Variants in HMCN2 observed in about 807,000 individuals in gnomAD.
HMCN2 encodes hemicentin 2, also known as hemicentin-2.
A neutral mutation model predicts 377.5 loss-of-function variants in HMCN2; 325 were observed. That is an observed-to-expected ratio of 0.86 (90% CI 0.79 to 0.94). The LOEUF is 0.94. Among genes scored for constraint, HMCN2 ranks in the 40% least tolerant of loss-of-function variants. HMCN2 has a pLI of 0.00. For missense variants in HMCN2, 4,543 were observed against 4,725.3 expected (o/e 0.96, Z 1.13); for synonymous variants, 2,007 against 2,046.8 (o/e 0.98, Z 0.53).
At position 130,354,681 on chromosome 9, in the gene HMCN2, C is replaced by A. The variant is rs1296983310; in HGVS notation, c.4865-82C>A. The A allele has an allele frequency of 1.0e-5, 12 of 1,156,976 alleles. No homozygotes were observed. In the East Asian group the frequency reaches 7.1e-4, roughly 68 times the overall value. The allele number at this position is 1,156,976 out of a possible 1,614,324, so 71.7% of individuals were successfully genotyped here. On this transcript the variant is annotated intron_variant, in intron 31 of 97. Transcript: ENST00000683500. ...CACATGGAGTGGGGTCGGTGAGGGGCTTCAGCGGGCCTGTTGGGCTGAGAT... is the reference window on the plus strand; with the variant it reads ...CACATGGAGTGGGGTCGGTGAGGGGATTCAGCGGGCCTGTTGGGCTGAGAT...
rs1313635623 is a variant in HMCN2 at position 130,354,765 on chromosome 9, C to T, written c.4867C>T (p.Pro1623Ser). ...EKATRLDVYV[P>S]PTIEGAGGRP... is the part of the protein sequence containing the mutation. ...GCCGCCCCCTGCCTCTTTTCCAGTC[C>T]CACCTACCATCGAGGGCGCCGGTGG... The change falls in exon 32 of 98, where the codon CCA becomes TCA. Residue 1623 changes from proline (P) to serine (S), a missense_variant and splice_region_variant. By Grantham distance (74) the Pro-to-Ser change is moderately conservative (BLOSUM62 -1). Transcript: ENST00000683500. 4 of 1,297,158 alleles carry T rather than the reference C, an allele frequency of 3.1e-6. No individual in the cohort carries two copies. Among genetic ancestry groups the T allele is most frequent in the African/African-American group, 1.5e-5 (1 of 65,732 alleles). The allele number at this position is 1,297,158 out of a possible 1,614,324, so 80.4% of individuals were successfully genotyped here. A position where few individuals can be genotyped will look rare whatever the true frequency, so the allele number is the denominator to read the frequency against.
At chr9:130,372,237 C>G (rs996346479) in intron 46 of HMCN2, 57 bp from the exon 47 acceptor site, 15 of 667,568 alleles carry the variant, frequency 2.2e-5, no homozygotes, top group Non-Finnish European at 2.8e-5. Flanking sequence ...GGGGGCTCGG[C>G]TTGGGACAGA....
At chr9:130,409,269 G>A (rs1242496321) in intron 84 of HMCN2, among the ~76,000 whole-genome samples, 1 of 152,234 alleles carries the variant, frequency 6.6e-6, no homozygotes, top group Non-Finnish European at 1.5e-5. Flanking sequence ...TCAGGGGGTA[G>A]GGTAGGCAGG....
intron 96 of HMCN2, among the ~76,000 whole-genome samples, chr9:130,431,957 C>T (rs888933131): frequency 3.9e-5 from 6 of 152,210 alleles, no homozygotes; most frequent in East Asian, 1.9e-4. Flanking sequence ...GGGCTGGGGC[C>T]GGTCATGCTG....
Position 130,375,921 on chromosome 9 carries a change from G to T in HMCN2, c.7850G>T (p.Gly2617Val). 1 of 985,972 alleles carries T rather than the reference G, an allele frequency of 1.0e-6. No individual in the cohort carries two copies. The highest frequency in any genetic ancestry group is 1.1e-4 in the East Asian group (1 of 8,814). 61.1% of individuals were successfully genotyped at this position (985,972 alleles called of 1,614,324 possible). ...CTGAATGCCCAGAAGGAAGATGCTG[G>T]CCAGTACACCTGCGTGGTCACCAAT... ...QILNAQKEDA[G>V]QYTCVVTNEL... Residue 2617 changes from glycine to valine, a missense_variant, in exon 51 of 98, where the codon GGC becomes GTC. This residue lies in a region of HMCN2 where 736 missense variants were observed against 773.2 expected (regional missense o/e 0.95). Coordinates refer to ENST00000683500, the MANE Select transcript of HMCN2 (RefSeq NM_001291815.2).
At chr9:130,350,068 G>A (rs13302042) in intron 29 of HMCN2, among the ~76,000 whole-genome samples, 85,457 of 150,214 alleles carry the variant, frequency 0.57, 26,650 homozygotes, top group Non-Finnish European at 0.7. Context: ...TACCAACAAC[G>A]GCTAATTTTT....
chr9:130,376,696 C>T (rs1841399679), intron 52 of HMCN2, 38 bp downstream of exon 52: 1 of 984,828 alleles, frequency 1.0e-6, no homozygotes, highest in Non-Finnish European at 1.2e-6. Flanking sequence ...CTGGCTCTCA[C>T]CTCTGCTTCC....
Position 130,391,463 on chromosome 9 carries a change from G to C in HMCN2, c.9841G>C (p.Gly3281Arg), listed in dbSNP as rs567718186. The C allele has an allele frequency of 3.6e-5, 36 of 987,858 alleles. No homozygotes were observed. In the East Asian group the frequency reaches 3.1e-3, roughly 84 times the overall value. The allele number at this position is 987,858 out of a possible 1,614,324, so 61.2% of individuals were successfully genotyped here. ...MGPHLRFYLD[G>R]GSLVLKGLRA... ...TCCCTGTGGCAGGTTCTACCTGGAC[G>C]GCGGCTCCCTGGTGCTAAAAGGCCT... The change falls in exon 65 of 98, where the codon GGC (glycine) becomes CGC (arginine). Residue 3281 changes from glycine to arginine, a missense_variant. Gly to Arg is a moderately radical substitution (Grantham distance 125). Coordinates refer to ENST00000683500, the MANE Select transcript of HMCN2 (RefSeq NM_001291815.2).
intron 53 of HMCN2, among the ~76,000 whole-genome samples, chr9:130,378,094 G>A (rs981721868): frequency 9.2e-5 from 14 of 152,092 alleles, no homozygotes; most frequent in African/African-American, 2.2e-4. Context: ...GATGCCTCTC[G>A]CGTTGTTAGG....
chr9:130,318,445 C>T (rs1837683025), intron 15 of HMCN2, among the ~76,000 whole-genome samples: 2 of 152,182 alleles, frequency 1.3e-5, no homozygotes, highest in African/African-American at 4.8e-5. Flanking sequence ...ACCCACTTGG[C>T]TCGGACTGGC....
At chr9:130,348,022 C>T in intron 26 of HMCN2, 1 of 985,338 alleles carries the variant, frequency 1.0e-6, no homozygotes, top group Non-Finnish European at 1.2e-6. Context: ...GAAAGGAACC[C>T]CTCCTTAACA....
At chr9:130,340,934 C>T (rs1446052731) in intron 23 of HMCN2, among the ~76,000 whole-genome samples, 177 bp from the exon 24 acceptor site, 1 of 152,232 alleles carries the variant, frequency 6.6e-6, no homozygotes, top group African/African-American at 2.4e-5. Context: ...AAGACCGGAG[C>T]TCACTCACTT....
intron 53 of HMCN2, among the ~76,000 whole-genome samples, chr9:130,378,821 G>A (rs1034324305): frequency 2.0e-5 from 3 of 152,074 alleles, no homozygotes; most frequent in African/African-American, 7.2e-5. Flanking sequence ...GGGATGACAC[G>A]GCCCCCTCCA....
Position 130,428,396 on chromosome 9 carries a change from G to T in HMCN2, c.14104G>T (p.Glu4702Ter). 6.5e-7 allele frequency: 1 copy of T among 1,547,944 alleles called. No homozygotes were observed. Among genetic ancestry groups the T allele is most frequent in the Non-Finnish European group, 8.7e-7 (1 of 1,146,846 alleles). The change falls in exon 93 of 98, where the codon GAG becomes TAG. Residue 4702 changes from glutamate to a stop codon, truncating the protein, a stop_gained. Coordinates refer to ENST00000683500, the MANE Select transcript of HMCN2 (RefSeq NM_001291815.2). LOFTEE classifies it high-confidence loss of function. This position sits in a 1 kb window ranked among gnomAD's most constrained non-coding sequence, Gnocchi z 5.0. Reference sequence around the variant, plus strand: ...TGCGTGGGATGCTCACCTCTGCCGAGAGGGACAGCGCTGTGTGAACCTGCT... The same window carrying T: ...TGCGTGGGATGCTCACCTCTGCCGATAGGGACAGCGCTGTGTGAACCTGCT... ...ECAWDAHLCREGQRCVNLLGS... is the reference protein window; with the variant it reads ...ECAWDAHLCR
intron 55 of HMCN2, 81 bp downstream of exon 55, chr9:130,382,378 G>A: frequency 1.9e-6 from 1 of 520,530 alleles, no homozygotes; most frequent in Non-Finnish European, 2.5e-6. Context: ...CCGAGGCAAA[G>A]TGCACACAGT....
chr9:130,306,484 A>G (rs1312249499), intron 12 of HMCN2, among the ~76,000 whole-genome samples: 2 of 152,094 alleles, frequency 1.3e-5, no homozygotes, highest in African/African-American at 4.8e-5. Context: ...GGCTGTATGG[A>G]CCTGCGCCCA....
intron 36 of HMCN2, among the ~76,000 whole-genome samples, chr9:130,358,714 C>G (rs894393696): frequency 7.9e-5 from 12 of 151,842 alleles, no homozygotes; most frequent in Admixed American, 2.0e-4. Context: ...CGCTCTGTCG[C>G]CCAGGCTGGA....
At chr9:130,283,244 G>A (rs1323260827) in intron 1 of HMCN2, among the ~76,000 whole-genome samples, 1 of 151,734 alleles carries the variant, frequency 6.6e-6, no homozygotes, top group Admixed American at 6.6e-5. Flanking sequence ...ATGTTGGCGT[G>A]GATCTCCATT....
intron 40 of HMCN2, 33 bp from the exon 41 acceptor site, chr9:130,364,681 C>T: frequency 1.7e-5 from 17 of 982,358 alleles, no homozygotes; most frequent in Non-Finnish European, 1.9e-5. Flanking sequence ...ACCCATGTGC[C>T]TGAGGGAGCC....
Sources: gnomAD v4.1 joint callset for allele counts (sites outside exome capture counted in the v4.1 genomes callset) on GRCh38, gnomAD v4.1.1 for gene constraint, gnomAD v4.1.1 regional missense constraint, Gnocchi (gnomAD v3.1) non-coding constraint, MANE v1.5 for transcripts, NCBI Gene and HGNC (gene_info 2026-07-23, HGNC 2026-07-21) for gene names.